The following UGT1A4 variants were observed in gnomAD, a reference collection of about 807,000 sequenced individuals.
UGT1A4 encodes UDP-glucuronosyltransferase 1A4.
Under a neutral mutation model 41.1 loss-of-function variants are expected in UGT1A4, and 32 were observed. The observed-to-expected ratio is 0.78, with a 90% CI of 0.59 to 1.05. The LOEUF (loss-of-function observed/expected upper bound fraction) is 1.05. Among genes scored for constraint, UGT1A4 ranks in the 50% least tolerant of loss-of-function variants. UGT1A4 has a pLI of 0.00. For missense variants in UGT1A4, 748 were observed against 677.4 expected, an observed-to-expected ratio of 1.10 and a Z score of -1.16; for synonymous variants, 283 against 265.1, an observed-to-expected ratio of 1.07 and a Z score of -0.66.
rs191471887 is a variant in UGT1A4, at chr2:233,760,476, C to T, written c.868-6558C>T. 6.3e-5 allele frequency: 102 copies of T among 1,614,200 alleles called. 1 individual carries two copies. In the East Asian group the frequency reaches 1.9e-3, roughly 30 times the overall value. On this transcript the variant is annotated intron_variant, in intron 1 of 4. Transcript: ENST00000373409. ...ATGAAATAGTTGTCCTAGCACCTGA[C>T]GCCTCGTTGTACATCAGAGACGGAG...
intron 1 of UGT1A4, among the ~76,000 whole-genome samples, chr2:233,735,346 T>G (rs559111340): frequency 6.6e-6 from 1 of 152,330 alleles, no homozygotes; most frequent in African/African-American, 2.4e-5. Flanking sequence ...GCTTTTTTTT[T>G]GCTTTCCATT....
At chr2:233,725,342 A>G (rs1368487533) in intron 1 of UGT1A4, among the ~76,000 whole-genome samples, 1 of 138,706 alleles carries the variant, frequency 7.2e-6, no homozygotes, top group Non-Finnish European at 1.6e-5. Flanking sequence ...CTTAAGTCCA[A>G]TAAGAATGTT....
chr2:233,743,240 T>G (rs1692244875), intron 1 of UGT1A4: 1 of 425,178 alleles, frequency 2.4e-6, no homozygotes, highest in South Asian at 1.7e-5. Context: ...TATGAAGGAC[T>G]TTAACTCAAC....
At chr2:233,765,117 T>C (rs1698755913) in intron 1 of UGT1A4, among the ~76,000 whole-genome samples, 1 of 152,162 alleles carries the variant, frequency 6.6e-6, no homozygotes, top group Admixed American at 6.5e-5. Flanking sequence ...CTCAGGACTG[T>C]TCAGGTTTTA....
chr2:233,747,416 C>T, intron 1 of UGT1A4: 4 of 1,607,550 alleles, frequency 2.5e-6, no homozygotes, highest in Non-Finnish European at 3.4e-6. Context: ...TGAATATGCA[C>T]ATCAAACAAG....
intron 1 of UGT1A4, among the ~76,000 whole-genome samples, chr2:233,751,728 CCT>C (rs1694798514): frequency 6.6e-6 from 1 of 152,164 alleles, no homozygotes; most frequent in Non-Finnish European, 1.5e-5. Flanking sequence ...GTGAACTCTT[CCT>C]CTCTGTTTCT....
chr2:233,732,322 T>C (rs1402745036), intron 1 of UGT1A4, among the ~76,000 whole-genome samples: 3 of 152,262 alleles, frequency 2.0e-5, no homozygotes, highest in Non-Finnish European at 4.4e-5. Context: ...ATTTTGGCTT[T>C]TGTTGCCATT....
intron 1 of UGT1A4, among the ~76,000 whole-genome samples, chr2:233,725,069 C>G (rs1374250230): frequency 2.7e-5 from 4 of 146,562 alleles, no homozygotes; most frequent in Non-Finnish European, 4.5e-5. Context: ...CGCCTGCAAT[C>G]GCAGGCACTC....
intron 1 of UGT1A4, among the ~76,000 whole-genome samples, chr2:233,764,312 GA>G (rs1174079806): frequency 1.3e-5 from 2 of 152,150 alleles, no homozygotes; most frequent in East Asian, 3.8e-4. Flanking sequence ...AAGTTTAAGG[GA>G]AGCTTTGCCA....
At chr2:233,771,270 C>A (rs1244273988) in intron 4 of UGT1A4, 1 of 150,946 alleles carries the variant, frequency 6.6e-6, no homozygotes, top group African/African-American at 2.4e-5. Context: ...CTTTTTTTTT[C>A]TTTCTTCTCC....
chr2:233,752,697 G>A (rs1396469701), intron 1 of UGT1A4, among the ~76,000 whole-genome samples: 1 of 152,136 alleles, frequency 6.6e-6, no homozygotes, highest in African/African-American at 2.4e-5. Context: ...GTTTACTAGT[G>A]GGGTATGATC....
rs754213125 is a variant in UGT1A4 at position 233,761,125 on chromosome 2, T to G, written c.868-5909T>G. ...TATGGTTTTTGTTGGTGGAATCAAC[T>G]GCCTTCACCAAAATCCACTATCCCA... On this transcript the variant is annotated intron_variant, in intron 1 of 4. Transcript: ENST00000373409. 1.1e-5 allele frequency: 17 copies of G among 1,614,134 alleles called. No homozygotes were observed. Among genetic ancestry groups the G allele is most frequent in the Middle Eastern group, 1.6e-4 (1 of 6,084 alleles).
intron 1 of UGT1A4, among the ~76,000 whole-genome samples, chr2:233,744,590 G>C (rs1190508519): frequency 6.6e-6 from 1 of 151,850 alleles, no homozygotes; most frequent in Non-Finnish European, 1.5e-5. Flanking sequence ...TACAGTTTTT[G>C]CATCTCTCTT....
intron 1 of UGT1A4, chr2:233,747,088 C>A: frequency 2.5e-6 from 3 of 1,192,376 alleles, no homozygotes; most frequent in East Asian, 2.7e-5. Flanking sequence ...AGGAGGAGAG[C>A]ACTCTATCTT....
chr2:233,732,182 G>A (rs1190810291), intron 1 of UGT1A4, among the ~76,000 whole-genome samples: 1 of 152,108 alleles, frequency 6.6e-6, no homozygotes, highest in Non-Finnish European at 1.5e-5. Flanking sequence ...TGTAGATTCT[G>A]GATATTAGCC....
At chr2:233,767,242 A>G in intron 2 of UGT1A4, 77 bp downstream of exon 2, 1 of 1,606,336 alleles carries the variant, frequency 6.2e-7, no homozygotes, top group African/African-American at 1.3e-5. Context: ...TTCCAGATTA[A>G]TTCTCTTAAT....
At chr2:233,754,470 A>G in intron 1 of UGT1A4, 2 of 357,144 alleles carry the variant, frequency 5.6e-6, no homozygotes, top group South Asian at 2.2e-5. Context: ...TTCTGAAAGT[A>G]AAGTTCACTT....
intron 3 of UGT1A4, 57 bp from the exon 4 acceptor site, chr2:233,768,163 T>A: frequency 6.2e-7 from 1 of 1,613,480 alleles, no homozygotes; most frequent in Non-Finnish European, 8.5e-7. Flanking sequence ...CCTAGATGTG[T>A]CCAGCTGTGA....
chr2:233,758,379 G>T (rs116011249), intron 1 of UGT1A4, among the ~76,000 whole-genome samples: 127 of 152,312 alleles, frequency 8.3e-4, no homozygotes, highest in African/African-American at 3.0e-3. Context: ...TTACAGTGGT[G>T]ACTTATGTGT....
Sources: allele counts gnomAD v4.1 joint callset (sites outside exome capture counted in the v4.1 genomes callset), GRCh38; gene constraint gnomAD v4.1.1; transcripts MANE v1.5; gene names NCBI Gene and HGNC (gene_info 2026-07-23, HGNC 2026-07-21).